CCDC112: variants seen among roughly 807,000 people sequenced by gnomAD.
CCDC112 encodes the protein coiled-coil domain-containing protein 112.
A neutral mutation model predicts 66.3 loss-of-function variants in CCDC112; 40 were observed. The observed-to-expected ratio is 0.60, with a 90% CI of 0.47 to 0.79. The LOEUF is 0.79. Ranked by LOEUF, CCDC112 falls within the 30% of genes least tolerant of loss-of-function variation. CCDC112 has a pLI of 0.00. For missense variants in CCDC112, 659 were observed against 603.8 expected (o/e 1.09, Z -0.96); for synonymous variants, 214 against 197.2 (o/e 1.09, Z -0.71).
chr5:115,282,394 T>C (rs1749494789), intron 2 of CCDC112, among the ~76,000 whole-genome samples: 1 of 152,174 alleles, frequency 6.6e-6, no homozygotes, highest in Non-Finnish European at 1.5e-5. Flanking sequence ...GTAGATCCAT[T>C]ACATCTACCT....
chr5:115,280,443 A>C (rs1421541976), intron 2 of CCDC112: 1 of 152,384 alleles, frequency 6.6e-6, no homozygotes, highest in South Asian at 2.1e-4. Context: ...CCTTGAATTT[A>C]GTCTAACAGT....
At chr5:115,296,264 T>C (rs1750152026) in intron 1 of CCDC112, 163 bp downstream of exon 1, 3 of 1,302,588 alleles carry the variant, frequency 2.3e-6, no homozygotes, top group Middle Eastern at 5.9e-4. Context: ...CAAAAGCTGT[T>C]AAACGCACAA....
In CCDC112 at chr5:115,277,636, CTCAA is replaced by C. The variant is rs945101401; in HGVS notation, c.362-586_362-583del. Among the ~76,000 whole-genome samples the C allele has an allele frequency of 5.3e-5, 8 of 152,210 alleles. 1 individual carries two copies. Among genetic ancestry groups the C allele is most frequent in the Admixed American group, 4.6e-4 (7 of 15,288 alleles). On this transcript the variant is annotated intron_variant, in intron 3 of 9. Coordinates refer to ENST00000379611, the MANE Select transcript of CCDC112 (RefSeq NM_001040440.3). ...GTATACTATGCCACAGGTCGCCAAG[CTCAA>C]TCAAAGGACCAGCCTGGAGTAAAAT...
At chr5:115,281,159 G>T (rs1749439876) in intron 2 of CCDC112, among the ~76,000 whole-genome samples, 1 of 151,886 alleles carries the variant, frequency 6.6e-6, no homozygotes, top group South Asian at 2.1e-4. Context: ...GAGTAACTGG[G>T]ACTACAAGCG....
chr5:115,271,667 T>G, intron 6 of CCDC112, 41 bp from the exon 7 acceptor site: 1 of 1,329,526 alleles, frequency 7.5e-7, no homozygotes, highest in Non-Finnish European at 1.0e-6. Context: ...GAGAAAAAAG[T>G]TTTTTAATAG....
Position 115,267,706 on chromosome 5 carries a change from G to C in CCDC112, c.*170C>G. The C allele has an allele frequency of 1.6e-6, 1 of 641,292 alleles. No individual in the cohort carries two copies. Among genetic ancestry groups the C allele is most frequent in the Non-Finnish European group, 2.8e-6 (1 of 358,152 alleles). 39.7% of individuals were successfully genotyped at this position (641,292 alleles called of 1,614,324 possible). Reference sequence around the variant, plus strand: ...ATTAAATACCTTCTTGGTAGAAGCAGGAATACTAATGACAAAGCCTCATGA... The same window carrying C: ...ATTAAATACCTTCTTGGTAGAAGCACGAATACTAATGACAAAGCCTCATGA... On this transcript the variant is annotated 3_prime_UTR_variant, in exon 10 of 10. Transcript: ENST00000379611.
rs144036566 is a variant in CCDC112 at position 115,296,104 on chromosome 5, A to C, written c.117+323T>G. 2.8e-3 allele frequency: 2,919 copies of C among 1,060,228 alleles called. 14 individuals carry two copies. The highest frequency in any genetic ancestry group is 0.018 in the Middle Eastern group (42 of 2,364). The allele number at this position is 1,060,228 out of a possible 1,614,324, so 65.7% of individuals were successfully genotyped here. On this transcript the variant is annotated intron_variant, in intron 1 of 9. Transcript: ENST00000379611. ...CTCCCCAGACATAACGTTAGTCCAA[A>C]GCTCGGGAGGTGCATGTTACTATTC...
In CCDC112 at chr5:115,277,817, A is replaced by G. The variant is rs1204942517; in HGVS notation, c.362-763T>C. 3.9e-5 allele frequency among the ~76,000 whole-genome samples: 6 copies of G among 152,172 alleles called. No individual in the cohort carries two copies. In the East Asian group the frequency reaches 9.6e-4, roughly 24 times the overall value. ...ACTTAAATTACTAGGCTAATGTCAA[A>G]ATATTCGCATTCTTATAATAGTAAT... is the stretch of plus-strand genomic sequence containing the variant. On this transcript the variant is annotated intron_variant, in intron 3 of 9. Transcript: ENST00000379611.
At chr5:115,275,096 G>T in intron 6 of CCDC112, 120 bp downstream of exon 6, 3 of 755,496 alleles carry the variant, frequency 4.0e-6, no homozygotes, top group Non-Finnish European at 6.2e-6. Flanking sequence ...ATTGTCGGGG[G>T]CGGGGAACTA....
chr5:115,270,077 A>G (rs1279778380), intron 7 of CCDC112, among the ~76,000 whole-genome samples: 5 of 152,026 alleles, frequency 3.3e-5, no homozygotes, highest in Non-Finnish European at 5.9e-5. Context: ...TCATTCATCA[A>G]TGCAGGTATG....
chr5:115,267,824 G>C lies in CCDC112; in HGVS notation c.*52C>G, dbSNP rs370268791. The C allele has an allele frequency of 3.7e-6, 5 of 1,365,350 alleles. No individual in the cohort carries two copies. The highest frequency in any genetic ancestry group is 4.2e-6 in the Non-Finnish European group (4 of 954,134). The allele number at this position is 1,365,350 out of a possible 1,614,324, so 84.6% of individuals were successfully genotyped here. On this transcript the variant is annotated 3_prime_UTR_variant, in exon 10 of 10. Coordinates refer to ENST00000379611, the MANE Select transcript of CCDC112 (RefSeq NM_001040440.3). The stretch of plus-strand genomic sequence containing the variant: ...AATGTGGTTAGTCACTCTCTCCCTG[G>C]TATAACTTAGTATGTTAACATTCTT...
In CCDC112 at chr5:115,275,492, T is replaced by C; in HGVS notation, c.642A>G (p.Ala214=). 5 of 1,614,112 alleles carry C rather than the reference T, an allele frequency of 3.1e-6. No individual in the cohort carries two copies. The highest frequency in any genetic ancestry group is 4.2e-6 in the Non-Finnish European group (5 of 1,180,002). ...GNSETEKAFR[A]ISSKVPVDKV... is the part of the protein sequence containing the mutation. ...TGTCTACAGGAACTTTGCTTGAGAT[T>C]GCTCTGAAAGCTTTCTCTGTTTCTG... is the stretch of plus-strand genomic sequence containing the variant. The change falls in exon 6 of 10, where the codon GCA becomes GCG. Residue 214 remains alanine (A), a synonymous_variant. Coordinates refer to ENST00000379611, the MANE Select transcript of CCDC112 (RefSeq NM_001040440.3).
intron 1 of CCDC112, among the ~76,000 whole-genome samples, chr5:115,293,498 A>G (rs942625224): frequency 9.9e-5 from 15 of 152,216 alleles, no homozygotes; most frequent in African/African-American, 3.4e-4. Flanking sequence ...GTAGGGCTAC[A>G]TTCATTCTGG....
intron 3 of CCDC112, among the ~76,000 whole-genome samples, chr5:115,277,710 G>A (rs559672671): frequency 2.6e-5 from 4 of 152,100 alleles, no homozygotes; most frequent in Middle Eastern, 3.4e-3. Flanking sequence ...GAGTCTCAAC[G>A]ATTCTTTCAA....
At chr5:115,291,487 G>A (rs559233898) in intron 1 of CCDC112, among the ~76,000 whole-genome samples, 1 of 152,050 alleles carries the variant, frequency 6.6e-6, no homozygotes, top group South Asian at 2.1e-4. Flanking sequence ...GGTAATAATG[G>A]CCTTACAGAA....
At chr5:115,275,686 ACTCTTTATATCAT>A in intron 5 of CCDC112, 80 bp from the exon 6 acceptor site, 1 of 992,078 alleles carries the variant, frequency 1.0e-6, no homozygotes, top group South Asian at 1.8e-5. Context: ...AAGATACCTG[ACTCTTTATATCAT>A]CTTCTCCACT....
chr5:115,275,013 G>C (rs1749143696), intron 6 of CCDC112, among the ~76,000 whole-genome samples: 2 of 152,136 alleles, frequency 1.3e-5, no homozygotes, highest in East Asian at 3.9e-4. Flanking sequence ...AGAGTGCTGG[G>C]ATTACAGGTG....
At chr5:115,276,338 T>C (rs267296) in intron 4 of CCDC112, among the ~76,000 whole-genome samples, 13,191 of 152,210 alleles carry the variant, frequency 0.087, 1,180 homozygotes, top group East Asian at 0.46. Context: ...TAAAATTACA[T>C]AGCCAACAAG....
At chr5:115,270,375 C>T (rs1748946805) in intron 7 of CCDC112, among the ~76,000 whole-genome samples, 1 of 151,662 alleles carries the variant, frequency 6.6e-6, no homozygotes, top group Non-Finnish European at 1.5e-5. Flanking sequence ...TAAATTATAT[C>T]TCATTTGCAC....
Sources: gnomAD v4.1 joint callset for allele counts (sites outside exome capture counted in the v4.1 genomes callset) on GRCh38, gnomAD v4.1.1 for gene constraint, MANE v1.5 for transcripts, NCBI Gene and HGNC (gene_info 2026-07-23, HGNC 2026-07-21) for gene names.